SELPLG: variants seen among roughly 807,000 people sequenced by gnomAD.
SELPLG encodes the protein P-selectin glycoprotein ligand 1.
SELPLG carries 2 observed loss-of-function variants against 1.1 expected under a neutral mutation model. The ratio of observed to expected loss-of-function variants is 1.82; its 90% confidence interval spans 0.74 to 5.71. SELPLG has a LOEUF of 5.71. Ranked by LOEUF, SELPLG falls within the 30% of genes most tolerant of loss-of-function variation. The pLI is 0.05. For synonymous variants in SELPLG, 230 were observed against 221.2 expected, an observed-to-expected ratio of 1.04 and a Z score of -0.35; for missense variants, 478 against 524.7, an observed-to-expected ratio of 0.91 and a Z score of 0.87.
chr12:108,623,950 C>T lies in SELPLG; in HGVS notation c.358G>A (p.Glu120Lys). 2 of 1,614,174 alleles carry T rather than the reference C, an allele frequency of 1.2e-6. No homozygotes were observed. Among genetic ancestry groups the T allele is most frequent in the Non-Finnish European group, 1.7e-6 (2 of 1,180,024 alleles). ...GNLSTDSAAM[E>K]IQTTQPAATE... is the part of the protein sequence containing the mutation. The stretch of plus-strand genomic sequence containing the variant: ...GCTGCTGGTTGAGTGGTCTGTATCT[C>T]CATAGCTGCTGAATCCGTGGACAGG... The change falls in exon 2 of 2, where the codon GAG becomes AAG. Residue 120 changes from glutamate to lysine, a missense_variant. Transcript: ENST00000550948.
rs61934126 is a variant in SELPLG at position 108,631,436 on chromosome 12, A to G, written c.-6+2304T>C. 5.8e-3 allele frequency among the ~76,000 whole-genome samples: 878 copies of G among 151,904 alleles called. 7 individuals are homozygous for G. Among genetic ancestry groups the G allele is most frequent in the Middle Eastern group, 0.01 (3 of 292 alleles). ...GGCTACTTTTAAATTTTTTGTAGAG[A>G]TGGGTTTTCCCCATGTTGCCCAGGT... On this transcript the variant is annotated intron_variant, in intron 1 of 1. Coordinates refer to ENST00000550948, the MANE Select transcript of SELPLG (RefSeq NM_003006.4).
In SELPLG at chr12:108,623,490, G is replaced by A. The variant is rs61729674; in HGVS notation, c.818C>T (p.Ser273Phe). The A allele has an allele frequency of 0.029, 47,544 of 1,614,154 alleles. 2,284 individuals are homozygous for A. Among genetic ancestry groups the A allele is most frequent in the African/African-American group, 0.21 (15,782 of 74,976 alleles). The change falls in exon 2 of 2, where the codon TCC (serine) becomes TTC (phenylalanine). Residue 273 changes from serine (S) to phenylalanine (F), a missense_variant. Coordinates refer to ENST00000550948, the MANE Select transcript of SELPLG (RefSeq NM_003006.4). ...ACCTCTTTTGGTAGTAGGTTCCATG[G>A]ACAGGGCCTCTGTGGCACTGGGTTC... ...STEPSATEAL[S>F]MEPTTKRGLF...
chr12:108,626,914 G>A (rs2031946683), intron 1 of SELPLG, among the ~76,000 whole-genome samples: 1 of 152,142 alleles, frequency 6.6e-6, no homozygotes, highest in Admixed American at 6.5e-5. Context: ...AGACTAGTCC[G>A]GCCAACATGG....
At chr12:108,626,586 TC>T (rs1397139957) in intron 1 of SELPLG, among the ~76,000 whole-genome samples, 1 of 152,224 alleles carries the variant, frequency 6.6e-6, no homozygotes, top group African/African-American at 2.4e-5. Context: ...AGCTTCGACC[TC>T]CTAGGCTCAA....
chr12:108,625,737 C>T (rs2031925305), intron 1 of SELPLG, among the ~76,000 whole-genome samples: 1 of 152,318 alleles, frequency 6.6e-6, no homozygotes, highest in East Asian at 1.9e-4. Context: ...GCATTGTGAA[C>T]ACCTGTGCTT....
In SELPLG at chr12:108,623,530, C is replaced by T. The variant is rs759233628; in HGVS notation, c.778G>A (p.Glu260Lys). Residue 260 changes from glutamate to lysine, a missense_variant, in exon 2 of 2, where the codon GAG becomes AAG. By Grantham distance (56) the Glu-to-Lys change is moderately conservative. Transcript: ENST00000550948. ...GCACTGGGTTCTGTGGACAGGGCCT[C>T]CATGGCTGCCAGTGGAGTGGTCTGT... ...EAQTTPLAAM[E>K]ALSTEPSATE... 4.3e-6 allele frequency: 7 copies of T among 1,614,148 alleles called. No individual in the cohort carries two copies. Among genetic ancestry groups the T allele is most frequent in the Non-Finnish European group, 5.9e-6 (7 of 1,180,054 alleles).
At chr12:108,632,154 C>T in intron 1 of SELPLG, 2 of 541,392 alleles carry the variant, frequency 3.7e-6, no homozygotes, top group Non-Finnish European at 6.6e-6. Context: ...TGAGGTTTAA[C>T]TCCCCTGGCT....
chr12:108,628,402 C>A (rs905479354), intron 1 of SELPLG, among the ~76,000 whole-genome samples: 2 of 151,562 alleles, frequency 1.3e-5, no homozygotes, highest in African/African-American at 4.9e-5. Flanking sequence ...AGCAGAATTT[C>A]TTTGGGGTAG....
chr12:108,625,666 T>C (rs2031924483), intron 1 of SELPLG, among the ~76,000 whole-genome samples: 1 of 152,208 alleles, frequency 6.6e-6, no homozygotes, highest in African/African-American at 2.4e-5. Flanking sequence ...TTGTCCTCCC[T>C]ACTAGGTAGC....
At chr12:108,624,983 C>T (rs1050308436) in intron 1 of SELPLG, among the ~76,000 whole-genome samples, 3 of 151,902 alleles carry the variant, frequency 2.0e-5, no homozygotes, top group Non-Finnish European at 2.9e-5. Context: ...CCACTGCGCC[C>T]GACCTCATGT....
At chr12:108,626,128 CTTT>C (rs573374699) in intron 1 of SELPLG, among the ~76,000 whole-genome samples, 3,722 of 125,628 alleles carry the variant, frequency 0.03, 169 homozygotes, top group African/African-American at 0.1. Context: ...GGTTTCTTTT[CTTT>C]TTTTTTTTTT....
At chr12:108,632,265 C>T (rs8179112) in intron 1 of SELPLG, among the ~76,000 whole-genome samples, 3,557 of 152,234 alleles carry the variant, frequency 0.023, 71 homozygotes, top group South Asian at 0.036. Context: ...TCTGAGGCCC[C>T]GGCCCACTGA....
Position 108,623,560 on chromosome 12 carries a change from C to T in SELPLG, c.748G>A (p.Glu250Lys), listed in dbSNP as rs781532409. 2 of 1,614,028 alleles carry T rather than the reference C, an allele frequency of 1.2e-6. No homozygotes were observed. Among genetic ancestry groups the T allele is most frequent in the East Asian group, 2.2e-5 (1 of 44,886 alleles). Residue 250 changes from glutamate to lysine, a missense_variant, in exon 2 of 2, where the codon GAG becomes AAG. Coordinates refer to ENST00000550948, the MANE Select transcript of SELPLG (RefSeq NM_003006.4). ...GCTGCCAGTGGAGTGGTCTGTGCCTCCGTGGCTGTGGGTTGAGTGGTCTGT... is the reference window on the plus strand; with the variant it reads ...GCTGCCAGTGGAGTGGTCTGTGCCTTCGTGGCTGTGGGTTGAGTGGTCTGT... Reference protein sequence around the residue: ...EAQTTQPTATEAQTTPLAAME... With the variant: ...EAQTTQPTATKAQTTPLAAME...
At chr12:108,626,165 C>T (rs1173517259) in intron 1 of SELPLG, among the ~76,000 whole-genome samples, 1 of 142,998 alleles carries the variant, frequency 7.0e-6, no homozygotes, top group East Asian at 2.0e-4. Context: ...GACAGAGTCT[C>T]GCTCTGTTGC....
intron 1 of SELPLG, chr12:108,632,086 C>T: frequency 1.5e-6 from 1 of 656,032 alleles, no homozygotes; most frequent in Admixed American, 2.7e-5. Flanking sequence ...ATTGATTCCC[C>T]AGCTCCTCTG....
intron 1 of SELPLG, among the ~76,000 whole-genome samples, chr12:108,628,195 T>C (rs1429824090): frequency 1.3e-5 from 2 of 150,676 alleles, no homozygotes; most frequent in Non-Finnish European, 3.0e-5. Context: ...CCTGGAAGGT[T>C]GAGACTGCAG....
rs2031863266 is a variant in SELPLG, at chr12:108,623,505, G to A, written c.803C>T (p.Ala268Val). 1 of 1,614,262 alleles carries A rather than the reference G, an allele frequency of 6.2e-7. No individual in the cohort carries two copies. Residue 268 changes from alanine to valine, a missense_variant, in exon 2 of 2, where the codon GCC becomes GTC. Ala to Val is a moderately conservative substitution (Grantham distance 64). Transcript: ENST00000550948. The part of the protein sequence containing the change: ...AMEALSTEPS[A>V]TEALSMEPTT... ...AGGTTCCATGGACAGGGCCTCTGTG[G>A]CACTGGGTTCTGTGGACAGGGCCTC...
intron 1 of SELPLG, among the ~76,000 whole-genome samples, chr12:108,626,683 T>TG (rs1419160685): frequency 6.6e-6 from 1 of 151,240 alleles, no homozygotes; most frequent in Non-Finnish European, 1.5e-5. Context: ...TTTTTTTTTT[T>TG]GTAGAGACGG....
chr12:108,624,200 AAGC>A lies in SELPLG; in HGVS notation c.105_107del (p.Leu36del), dbSNP rs750979209. 1.9e-6 allele frequency: 3 copies of A among 1,614,056 alleles called. No homozygotes were observed. Among genetic ancestry groups the A allele is most frequent in the Non-Finnish European group, 2.5e-6 (3 of 1,180,038 alleles). Reference sequence around the variant, plus strand: ...CGGTGGCCTGTCTCCGGTCCCGGGCAAGCAGGGGACCCAAGGCTTTCTCGGCTT... The same window carrying A: ...CGGTGGCCTGTCTCCGGTCCCGGGCAAGGGGACCCAAGGCTTTCTCGGCTT... On this transcript the variant is annotated inframe_deletion, in exon 2 of 2. Coordinates refer to ENST00000550948, the MANE Select transcript of SELPLG (RefSeq NM_003006.4).
Sources: allele counts gnomAD v4.1 joint callset (sites outside exome capture counted in the v4.1 genomes callset), GRCh38; gene constraint gnomAD v4.1.1; transcripts MANE v1.5; gene names NCBI Gene and HGNC (gene_info 2026-07-23, HGNC 2026-07-21).